UNC45B: variants seen among roughly 807,000 people sequenced by gnomAD.
The protein encoded by UNC45B is unc-45 myosin chaperone B, also known as protein unc-45 homolog B.
A neutral mutation model predicts 98.7 loss-of-function variants in UNC45B; 78 were observed. The observed-to-expected ratio is 0.79, with a 90% CI of 0.66 to 0.95. The LOEUF is 0.95. UNC45B is among the 40% of genes least tolerant of loss of function. The pLI, the probability that UNC45B is intolerant of heterozygous loss-of-function variation, is 0.00. For synonymous variants in UNC45B, 462 were observed against 480.4 expected (o/e 0.96, Z 0.50); for missense variants, 1,225 against 1,184.9 (o/e 1.03, Z -0.50).
In UNC45B at chr17:35,168,083, A is replaced by G. The variant is rs779378313; in HGVS notation, c.1174A>G (p.Met392Val). Residue 392 changes from methionine (M) to valine (V), a missense_variant, in exon 10 of 20, where the codon ATG (methionine) becomes GTG (valine). Transcript: ENST00000394570. ...TAGGGGCAAGTTTGACCCCCAGGAC[A>G]TGGACAAGAACTTGAATGCCATCCA... ...YITGKFDPQD[M>V]DKNLNAIQTV... 4 of 1,553,956 alleles carry G rather than the reference A, an allele frequency of 2.6e-6. No homozygotes were observed. Among genetic ancestry groups the G allele is most frequent in the Non-Finnish European group, 8.7e-7 (1 of 1,148,852 alleles).
chr17:35,151,676 C>A (rs1055773049), intron 4 of UNC45B, among the ~76,000 whole-genome samples: 2 of 152,222 alleles, frequency 1.3e-5, no homozygotes, highest in Non-Finnish European at 2.9e-5. Flanking sequence ...TTCTACACAT[C>A]TGGAGAAGCC....
rs754159671 is a variant in UNC45B at position 35,183,500 on chromosome 17, A to G, written c.2447A>G (p.Asp816Gly). The G allele has an allele frequency of 1.2e-5, 20 of 1,606,254 alleles. No individual in the cohort carries two copies. The highest frequency in any genetic ancestry group is 1.7e-5 in the Non-Finnish European group (20 of 1,175,998). Residue 816 changes from aspartate (D) to glycine (G), a missense_variant, in exon 19 of 20, where the codon GAT (aspartate) becomes GGT (glycine). By Grantham distance (94) the Asp-to-Gly change is moderately conservative (BLOSUM62 -1). Transcript: ENST00000394570. ...LVVLLCGEDDDKVQNAAAGAL... is the reference protein window; with the variant it reads ...LVVLLCGEDDGKVQNAAAGAL... ...GTGCTGCTCTGCGGGGAGGATGATG[A>G]TAAGGTGCAGAATGCGGCTGCAGGG... is the stretch of plus-strand genomic sequence containing the variant.
intron 9 of UNC45B, among the ~76,000 whole-genome samples, chr17:35,165,823 C>T (rs866746478): frequency 6.6e-6 from 1 of 151,988 alleles, no homozygotes; most frequent in African/African-American, 2.4e-5. Flanking sequence ...CCTGTAATCT[C>T]AGCTACTAGG....
intron 4 of UNC45B, among the ~76,000 whole-genome samples, chr17:35,151,392 T>C (rs2092018644): frequency 6.6e-6 from 1 of 152,114 alleles, no homozygotes; most frequent in Non-Finnish European, 1.5e-5. Flanking sequence ...GGTTTCACCA[T>C]GTTGGCCAGA....
chr17:35,171,550 G>T (rs2092187149), intron 13 of UNC45B, 88 bp downstream of exon 13: 1 of 1,511,508 alleles, frequency 6.6e-7, no homozygotes, highest in South Asian at 1.3e-5. Flanking sequence ...GGTGTCAGGA[G>T]TGGCACGGTG....
Position 35,159,418 on chromosome 17 carries a change from C to T in UNC45B, c.852C>T (p.Asp284=). The T allele has an allele frequency of 6.2e-7, 1 of 1,614,090 alleles. No individual in the cohort carries two copies. The highest frequency in any genetic ancestry group is 8.5e-7 in the Non-Finnish European group (1 of 1,179,966). Residue 284 remains aspartate, a synonymous_variant, in exon 8 of 20, where the codon GAC becomes GAT. Transcript: ENST00000394570. ...AGCAGATCACCAGCCACCTGCTGGA[C>T]ATGCTAGTCAGCAAGAAGGTGTCTG... ...DLKQITSHLL[D]MLVSKKVSGQ...
chr17:35,176,425 AAT>A (rs1254763241), intron 15 of UNC45B, among the ~76,000 whole-genome samples: 8 of 152,168 alleles, frequency 5.3e-5, no homozygotes, highest in African/African-American at 1.9e-4. Context: ...CTGTCACAAG[AAT>A]TAGAGAAAAT....
At chr17:35,165,204 A>T (rs1048015521) in intron 9 of UNC45B, among the ~76,000 whole-genome samples, 4 of 152,154 alleles carry the variant, frequency 2.6e-5, no homozygotes, top group African/African-American at 7.2e-5. Context: ...CTGTGGTTGA[A>T]AGGAACACAT....
At position 35,150,042 on chromosome 17, in the gene UNC45B, C is replaced by T. The variant is rs755032725; in HGVS notation, c.206-6C>T. On this transcript the variant is annotated splice_region_variant and splice_polypyrimidine_tract_variant and intron_variant, in intron 3 of 19. Coordinates refer to ENST00000394570, the MANE Select transcript of UNC45B (RefSeq NM_001267052.2). Reference sequence around the variant, plus strand: ...AAGGTCCTCATCCCCCGTCTCCCCTCGATAGCCATCGACATCAACTCCTCG... The same window carrying T: ...AAGGTCCTCATCCCCCGTCTCCCCTTGATAGCCATCGACATCAACTCCTCG... 29 of 1,592,662 alleles carry T rather than the reference C, an allele frequency of 1.8e-5. No homozygotes were observed. The highest frequency in any genetic ancestry group is 3.4e-5 in the Admixed American group (2 of 58,322).
In UNC45B at chr17:35,148,592, G is replaced by A. The variant is rs73989549; in HGVS notation, c.168+161G>A. On this transcript the variant is annotated intron_variant, in intron 2 of 19. Transcript: ENST00000394570. ...CCTCCAACCCCCTGACCCATGCCCC[G>A]GAAAGACAGAAATTCATCCAGAGCA... is the stretch of plus-strand genomic sequence containing the variant. 5.4e-3 allele frequency among the ~76,000 whole-genome samples: 816 copies of A among 152,224 alleles called. 3 individuals carry two copies. The highest frequency in any genetic ancestry group is 0.019 in the African/African-American group (771 of 41,546).
chr17:35,168,995 C>T (rs2092162805), intron 10 of UNC45B, among the ~76,000 whole-genome samples: 1 of 152,162 alleles, frequency 6.6e-6, no homozygotes, highest in African/African-American at 2.4e-5. Context: ...GCGTGAGCCA[C>T]TGTGCCTGGC....
chr17:35,148,139 C>A, intron 1 of UNC45B, 125 bp from the exon 2 acceptor site: 1 of 1,100,568 alleles, frequency 9.1e-7, no homozygotes, highest in Non-Finnish European at 1.3e-6. Context: ...GGGTCCCTTC[C>A]AGGCAGAATC....
chr17:35,176,965 G>A (rs1299406079), intron 15 of UNC45B, 52 bp from the exon 16 acceptor site: 14 of 1,467,038 alleles, frequency 9.5e-6, no homozygotes, highest in South Asian at 2.3e-5. Context: ...GAGGATAGGC[G>A]AGAAGCCTCT....
chr17:35,166,107 A>AAAAAAAAAAAAAAAAAG (rs1567760467), intron 9 of UNC45B, among the ~76,000 whole-genome samples: 2 of 148,416 alleles, frequency 1.3e-5, no homozygotes, highest in African/African-American at 5.0e-5. Context: ...AAAAAAAAAA[A>AAAAAAAAAAAAAAAAAG]AAAATTAAAA....
Position 35,171,588 on chromosome 17 carries a change from C to A in UNC45B, c.1830+126C>A, listed in dbSNP as rs1295264932. On this transcript the variant is annotated intron_variant, in intron 13 of 19. Transcript: ENST00000394570. The stretch of plus-strand genomic sequence containing the variant: ...TGTTTGGGTGGTTGGGGGTAAGATA[C>A]ACATACATTGAATATGTTAATGGTA... 2.9e-5 allele frequency: 32 copies of A among 1,089,568 alleles called. No homozygotes were observed. The Admixed American group carries it at 8.2e-4, about 28-fold the overall frequency. 67.5% of individuals were successfully genotyped at this position (1,089,568 alleles called of 1,614,324 possible).
At position 35,177,790 on chromosome 17, in the gene UNC45B, C is replaced by T. The variant is rs4795065; in HGVS notation, c.2255+180C>T. On this transcript the variant is annotated intron_variant, in intron 17 of 19. Transcript: ENST00000394570. The stretch of plus-strand genomic sequence containing the variant: ...ACTATACCAAAGCCAAAAAATGCTA[C>T]AAGGCCCTTCTTTTTCTTTTCTTTT... Among the ~76,000 whole-genome samples the T allele has an allele frequency of 0.58, 87,824 of 151,974 alleles. 25,529 individuals are homozygous for T. Among genetic ancestry groups the T allele is most frequent in the East Asian group, 0.7 (3,621 of 5,164 alleles).
intron 11 of UNC45B, 67 bp downstream of exon 11, chr17:35,169,998 T>C (rs1185478707): frequency 9.3e-6 from 15 of 1,610,968 alleles, no homozygotes; most frequent in Non-Finnish European, 1.3e-5. Flanking sequence ...GTCTCTGGGG[T>C]GTGCTCTAGT....
At chr17:35,158,161 C>T (rs746697531) in intron 7 of UNC45B, among the ~76,000 whole-genome samples, 25 of 152,214 alleles carry the variant, frequency 1.6e-4, no homozygotes, top group Admixed American at 2.0e-4. Flanking sequence ...CAGGCCACTG[C>T]GCCCAGCCCT....
chr17:35,173,987 A>G (rs2092208373), intron 13 of UNC45B, among the ~76,000 whole-genome samples: 1 of 150,748 alleles, frequency 6.6e-6, no homozygotes, highest in African/African-American at 2.4e-5. Flanking sequence ...CATTTTTTGT[A>G]TTTTCAGTAG....
Sources: gnomAD v4.1 joint callset for allele counts (sites outside exome capture counted in the v4.1 genomes callset) on GRCh38, gnomAD v4.1.1 for gene constraint, MANE v1.5 for transcripts, NCBI Gene and HGNC (gene_info 2026-07-23, HGNC 2026-07-21) for gene names.